The following PRMT8 variants were observed in gnomAD, a reference collection of about 807,000 sequenced individuals.
PRMT8 encodes protein arginine methyltransferase 8, also known as protein arginine N-methyltransferase 8.
In PRMT8, 7 loss-of-function variants were observed where a neutral mutation model predicts 47.1. That is an observed-to-expected ratio of 0.15 (90% CI 0.08 to 0.28). The LOEUF is 0.28. Among genes scored for constraint, PRMT8 ranks in the 10% least tolerant of loss-of-function variants. The probability of loss-of-function intolerance (pLI) is 1.00; values close to 1 mark genes in which losing one functional copy is unlikely to be tolerated. For synonymous variants in PRMT8, 188 were observed against 186.5 expected, an observed-to-expected ratio of 1.01 and a Z score of -0.07; for missense variants, 237 against 505.4, an observed-to-expected ratio of 0.47 and a Z score of 5.09.
intron 1 of PRMT8, among the ~76,000 whole-genome samples, chr12:3,461,621 G>T (rs944464185): frequency 6.6e-6 from 1 of 152,212 alleles, no homozygotes; most frequent in Non-Finnish European, 1.5e-5. Flanking sequence ...GCAGACACAA[G>T]CTCCTTCTTC....
chr12:3,541,842 T>C (rs1354119944), intron 2 of PRMT8, among the ~76,000 whole-genome samples: 1 of 152,240 alleles, frequency 6.6e-6, no homozygotes, highest in Admixed American at 6.5e-5. Flanking sequence ...AGGTCAATCC[T>C]GCAAGGTTGG....
At chr12:3,417,859 T>C (rs1463203892) in intron 1 of PRMT8, among the ~76,000 whole-genome samples, 1 of 152,244 alleles carries the variant, frequency 6.6e-6, no homozygotes, top group Admixed American at 6.5e-5. Flanking sequence ...TTGAATGTGC[T>C]CTATCTTCAG....
At chr12:3,401,970 G>GA (rs1211049916) in intron 1 of PRMT8, among the ~76,000 whole-genome samples, 4 of 152,214 alleles carry the variant, frequency 2.6e-5, no homozygotes, top group Admixed American at 2.6e-4. Flanking sequence ...CACAGAATTA[G>GA]AAAAAACTAT....
chr12:3,574,691 A>C (rs1866907490), intron 6 of PRMT8, among the ~76,000 whole-genome samples: 1 of 152,124 alleles, frequency 6.6e-6, no homozygotes, highest in Admixed American at 6.5e-5. Context: ...CATCATTTCC[A>C]TTTTACAGAA....
chr12:3,474,952 G>C (rs567421887), intron 1 of PRMT8, among the ~76,000 whole-genome samples: 15 of 152,172 alleles, frequency 9.9e-5, no homozygotes, highest in Admixed American at 4.6e-4. Flanking sequence ...TGCTCTCATT[G>C]TTTCTTGGTT....
In PRMT8 at chr12:3,484,003, T is replaced by C. The variant is rs1038340380; in HGVS notation, c.49-56603T>C. On this transcript the variant is annotated intron_variant, in intron 1 of 9. Transcript: ENST00000452611. ...TGAGGCTGCTGGAGCCAAATGGGGCTCTTAAAAAATGGCACCTCTTTCGAC... is the reference window on the plus strand; with the variant it reads ...TGAGGCTGCTGGAGCCAAATGGGGCCCTTAAAAAATGGCACCTCTTTCGAC... Among the ~76,000 whole-genome samples the C allele has an allele frequency of 5.9e-5, 9 of 152,112 alleles. No homozygotes were observed. The East Asian group carries it at 1.5e-3, about 26-fold the overall frequency.
rs571974781 is a variant in PRMT8 at position 3,479,029 on chromosome 12, G to A, written c.49-61577G>A. ...AGAGGAGGCCAAGGGGCGGCCTCAC[G>A]GGTGACCAGAGTCAGAGTCAGGGTA... On this transcript the variant is annotated intron_variant, in intron 1 of 9. Coordinates refer to the PRMT8 transcript ENST00000452611. 6.0e-4 allele frequency among the ~76,000 whole-genome samples: 91 copies of A among 152,388 alleles called. 1 individual carries two copies. The highest frequency in any genetic ancestry group is 1.9e-3 in the African/African-American group (79 of 41,598).
At chr12:3,426,812 C>T (rs1050705982) in intron 1 of PRMT8, among the ~76,000 whole-genome samples, 7 of 151,768 alleles carry the variant, frequency 4.6e-5, no homozygotes, top group South Asian at 2.1e-4. Context: ...TTTCTTGACT[C>T]GGTTGTGGTG....
rs956676783 is a variant in PRMT8 at position 3,552,429 on chromosome 12, G to A, written c.418-1222G>A. On this transcript the variant is annotated intron_variant, in intron 3 of 9. Coordinates refer to ENST00000382622, the MANE Select transcript of PRMT8 (RefSeq NM_019854.5). The surrounding 1 kb of genome is among the most constrained non-coding windows in gnomAD (Gnocchi z 4.5). ...ACTTCTCTCGGGAGGACACTGAGGC[G>A]CAGTTAGGAAGGGCAGTGGCCAGGC... The A allele has an allele frequency of 3.0e-5, 7 of 234,664 alleles. No individual in the cohort carries two copies. Among genetic ancestry groups the A allele is most frequent in the South Asian group, 1.0e-4 (2 of 19,258 alleles). The allele number at this position is 234,664 out of a possible 1,614,324, so 14.5% of individuals were successfully genotyped here.
Position 3,493,748 on chromosome 12 carries a change from A to G in PRMT8, c.75+2048A>G, listed in dbSNP as rs1367183023. Among the ~76,000 whole-genome samples the G allele has an allele frequency of 1.3e-5, 2 of 152,250 alleles. No homozygotes were observed. Among genetic ancestry groups the G allele is most frequent in the African/African-American group, 2.4e-5 (1 of 41,478 alleles). On this transcript the variant is annotated intron_variant, in intron 1 of 9. Transcript: ENST00000382622. This position sits in a 1 kb window ranked among gnomAD's most constrained non-coding sequence, Gnocchi z 8.2. ...CATGCCAGCTCTGCTGAAGGCATCA[A>G]TGAAAACAGCAGTAGGGGCGGCCGG...
intron 1 of PRMT8, among the ~76,000 whole-genome samples, chr12:3,448,941 T>C (rs1864888362): frequency 6.6e-6 from 1 of 152,126 alleles, no homozygotes; most frequent in Non-Finnish European, 1.5e-5. Flanking sequence ...CCTGTGTCCA[T>C]GTGTTCTCAT....
At chr12:3,519,566 G>C (rs1451685299) in intron 1 of PRMT8, among the ~76,000 whole-genome samples, 2 of 152,208 alleles carry the variant, frequency 1.3e-5, no homozygotes, top group Non-Finnish European at 2.9e-5. Context: ...GTAGATGGCT[G>C]TTTGTGAGGT....
intron 1 of PRMT8, among the ~76,000 whole-genome samples, chr12:3,437,575 G>A (rs1296393035): frequency 1.3e-5 from 2 of 150,554 alleles, no homozygotes; most frequent in African/African-American, 4.9e-5. Context: ...GTCCATGTGG[G>A]TATCTTAAAA....
intron 8 of PRMT8, among the ~76,000 whole-genome samples, chr12:3,591,215 G>C (rs1305015417): frequency 6.6e-6 from 1 of 152,022 alleles, no homozygotes; most frequent in African/African-American, 2.4e-5. Context: ...TATGGGGGAG[G>C]CGCAAGTACC....
chr12:3,422,745 A>C (rs546082011), intron 1 of PRMT8, among the ~76,000 whole-genome samples: 1 of 152,372 alleles, frequency 6.6e-6, no homozygotes, highest in African/African-American at 2.4e-5. Context: ...GTGCTGGGCT[A>C]TCTGCCTGTG....
intron 1 of PRMT8, among the ~76,000 whole-genome samples, chr12:3,434,748 CT>C (rs35747379): frequency 2.0e-5 from 3 of 147,186 alleles, no homozygotes; most frequent in African/African-American, 5.0e-5. Context: ...GAAGCCCCAT[CT>C]TTTTTTTTTT....
At chr12:3,434,535 C>T (rs1343212472) in intron 1 of PRMT8, among the ~76,000 whole-genome samples, 2 of 152,160 alleles carry the variant, frequency 1.3e-5, no homozygotes, top group Non-Finnish European at 2.9e-5. Context: ...TAAAATGGCA[C>T]AGCGTCCAGA....
At chr12:3,519,531 A>T (rs1016339899) in intron 1 of PRMT8, among the ~76,000 whole-genome samples, 1 of 152,154 alleles carries the variant, frequency 6.6e-6, no homozygotes, top group Admixed American at 6.5e-5. Context: ...CTGTTTGAGG[A>T]ACAGTGGGTT....
At chr12:3,434,645 G>A (rs897861775) in intron 1 of PRMT8, among the ~76,000 whole-genome samples, 1 of 152,166 alleles carries the variant, frequency 6.6e-6, no homozygotes, top group Non-Finnish European at 1.5e-5. Flanking sequence ...GCTGATGACA[G>A]GGCTGTTTTC....
Sources: gnomAD v4.1 joint callset for allele counts (sites outside exome capture counted in the v4.1 genomes callset) on GRCh38, gnomAD v4.1.1 for gene constraint, Gnocchi (gnomAD v3.1) non-coding constraint, MANE v1.5 for transcripts, NCBI Gene and HGNC (gene_info 2026-07-23, HGNC 2026-07-21) for gene names.